NCOA3: variants seen among roughly 807,000 people sequenced by gnomAD.
NCOA3 encodes nuclear receptor coactivator 3.
In NCOA3, 51 loss-of-function variants were observed where a neutral mutation model predicts 158.8. The observed-to-expected ratio is 0.32, with a 90% CI of 0.26 to 0.41. NCOA3 has a LOEUF of 0.41. NCOA3 is among the 10% of genes least tolerant of loss of function. NCOA3 has a pLI of 1.00. For synonymous variants in NCOA3, 537 were observed against 592.4 expected, an observed-to-expected ratio of 0.91 and a Z score of 1.36; for missense variants, 1,510 against 1,746.6, an observed-to-expected ratio of 0.86 and a Z score of 2.41.
chr20:47,634,235 C>T (rs200943824), intron 10 of NCOA3, 40 bp downstream of exon 10: 60 of 1,562,428 alleles, frequency 3.8e-5, no homozygotes, highest in Admixed American at 3.7e-4. Context: ...CAAAATGCAG[C>T]AGTGTTCTCA....
At chr20:47,643,949 G>A (rs1054990459) in intron 17 of NCOA3, among the ~76,000 whole-genome samples, 1 of 150,940 alleles carries the variant, frequency 6.6e-6, no homozygotes, top group Non-Finnish European at 1.5e-5. Flanking sequence ...TTTTCTCTCC[G>A]AAATTTTATG....
Position 47,651,107 on chromosome 20 carries a change from G to GCAA in NCOA3, c.3779_3780insACA (p.Gln1276dup), listed in dbSNP as rs763832074. The stretch of plus-strand genomic sequence containing the variant: ...AGCAGCAGCAACAGCAGCAGCAGCA[G>GCAA]CAGCAGCAGCAGCAACAGCAACAGC... On this transcript the variant is annotated inframe_insertion, in exon 20 of 23. Transcript: ENST00000371998. 22 of 1,608,210 alleles carry GCAA rather than the reference G, an allele frequency of 1.4e-5. No individual in the cohort carries two copies. The African/African-American group carries it at 2.9e-4, about 21-fold the overall frequency.
At chr20:47,564,074 T>C (rs569033549) in intron 1 of NCOA3, among the ~76,000 whole-genome samples, 41 of 151,768 alleles carry the variant, frequency 2.7e-4, no homozygotes, top group African/African-American at 9.9e-4. Context: ...GCAAGAGGAT[T>C]GCTTGAGTCT....
intron 2 of NCOA3, among the ~76,000 whole-genome samples, chr20:47,594,788 ATTTTTTTT>A (rs768342979): frequency 9.8e-6 from 1 of 102,416 alleles, no homozygotes; most frequent in Non-Finnish European, 1.8e-5. Context: ...AGAATACCTG[ATTTTTTTT>A]TTTTTTTTTT....
intron 1 of NCOA3, among the ~76,000 whole-genome samples, chr20:47,556,667 C>A (rs778468570): frequency 6.6e-6 from 1 of 151,960 alleles, no homozygotes; most frequent in South Asian, 2.1e-4. Context: ...GGATCACAGG[C>A]GCCTGCCACC....
intron 1 of NCOA3, among the ~76,000 whole-genome samples, chr20:47,515,482 T>C (rs1216213362): frequency 1.3e-5 from 2 of 148,702 alleles, no homozygotes; most frequent in South Asian, 2.2e-4. Context: ...CTTTTTTTTT[T>C]TTTTTTTTCT....
At chr20:47,517,600 G>A (rs920338388) in intron 1 of NCOA3, among the ~76,000 whole-genome samples, 4 of 151,614 alleles carry the variant, frequency 2.6e-5, no homozygotes, top group Non-Finnish European at 5.9e-5. Context: ...ACAGGTGCTC[G>A]CTACTACACC....
chr20:47,598,477 A>G (rs1037396936), intron 2 of NCOA3, among the ~76,000 whole-genome samples: 1 of 151,910 alleles, frequency 6.6e-6, no homozygotes, highest in African/African-American at 2.4e-5. Context: ...CTGGGATTAC[A>G]GGTGCGTGCC....
chr20:47,632,743 C>A (rs1015854057), intron 8 of NCOA3, among the ~76,000 whole-genome samples: 1 of 150,472 alleles, frequency 6.6e-6, no homozygotes, highest in African/African-American at 2.5e-5. Context: ...AGTGCGGTGG[C>A]ATGATCTCGG....
At chr20:47,513,055 G>GGCTGAGGCATGAGAATA (rs1326896603) in intron 1 of NCOA3, among the ~76,000 whole-genome samples, 2 of 152,076 alleles carry the variant, frequency 1.3e-5, no homozygotes, top group Admixed American at 6.5e-5. Context: ...CTTCTCAGGA[G>GGCTGAGGCATGAGAATA]GCTGAGGCAT....
chr20:47,593,143 G>A (rs944664887), intron 2 of NCOA3, among the ~76,000 whole-genome samples: 108 of 152,132 alleles, frequency 7.1e-4, no homozygotes, highest in Non-Finnish European at 1.3e-3. Flanking sequence ...ATGTTGGCCA[G>A]GCTGGTCTTG....
At position 47,635,628 on chromosome 20, in the gene NCOA3, T is replaced by G. The variant is rs150487414; in HGVS notation, c.1419T>G (p.Leu473=). The change falls in exon 11 of 23, where the codon CTT becomes CTG. Residue 473 remains leucine (L), a synonymous_variant. Transcript: ENST00000371998. ...GCCCCCCACATGGGAGTCCTGGTCT[T>G]GCCCCAAACCAGCAGAATATCATGA... is the stretch of plus-strand genomic sequence containing the variant. ...MSSPPHGSPG[L]APNQQNIMIS... 5.0e-4 allele frequency: 811 copies of G among 1,614,194 alleles called. 4 individuals carry two copies. Among genetic ancestry groups the G allele is most frequent in the Non-Finnish European group, 4.5e-4 (528 of 1,180,030 alleles).
chr20:47,564,820 T>C lies in NCOA3; in HGVS notation c.-98-18363T>C, dbSNP rs145026667. ...GTCATTTGTACTACTGTGAATTGCC[T>C]ACTCTGGTTCTTAGTCCATTTTTCT... is the stretch of plus-strand genomic sequence containing the variant. On this transcript the variant is annotated intron_variant, in intron 1 of 22. Transcript: ENST00000371998. Among the ~76,000 whole-genome samples, 435 of 152,340 alleles carry C rather than the reference T, an allele frequency of 2.9e-3. 1 individual carries two copies. Among genetic ancestry groups the C allele is most frequent in the Admixed American group, 5.4e-3 (83 of 15,292 alleles).
intron 17 of NCOA3, among the ~76,000 whole-genome samples, chr20:47,643,463 A>G (rs1248827618): frequency 2.0e-5 from 3 of 152,210 alleles, no homozygotes; most frequent in South Asian, 2.1e-4. Context: ...TTATACTCCA[A>G]CAGAAGTATA....
intron 14 of NCOA3, 145 bp downstream of exon 14, chr20:47,639,347 A>G: frequency 4.2e-6 from 4 of 950,962 alleles, no homozygotes; most frequent in Non-Finnish European, 6.2e-6. Context: ...CATTTATTCT[A>G]TGTTTTGGTT....
intron 1 of NCOA3, among the ~76,000 whole-genome samples, chr20:47,525,591 G>A (rs1334574186): frequency 8.4e-5 from 12 of 143,070 alleles, no homozygotes; most frequent in Non-Finnish European, 1.7e-4. Context: ...CTCCTGGACG[G>A]GGCGGCTGGC....
chr20:47,647,012 C>A, intron 17 of NCOA3, 61 bp from the exon 18 acceptor site: 2 of 1,493,716 alleles, frequency 1.3e-6, no homozygotes, highest in Non-Finnish European at 9.1e-7. Context: ...TTCTTTAGAG[C>A]ATTTGACTTC....
intron 2 of NCOA3, among the ~76,000 whole-genome samples, chr20:47,598,479 G>A (rs1431348042): frequency 1.3e-5 from 2 of 151,898 alleles, no homozygotes; most frequent in Non-Finnish European, 2.9e-5. Flanking sequence ...GGGATTACAG[G>A]TGCGTGCCAC....
At chr20:47,590,190 A>C (rs985844613) in intron 2 of NCOA3, among the ~76,000 whole-genome samples, 7 of 152,204 alleles carry the variant, frequency 4.6e-5, no homozygotes, top group African/African-American at 1.4e-4. Context: ...GTTCTTAATT[A>C]TAAGAAATAG....
Sources: allele counts gnomAD v4.1 joint callset (sites outside exome capture counted in the v4.1 genomes callset), GRCh38; gene constraint gnomAD v4.1.1; transcripts MANE v1.5; gene names NCBI Gene and HGNC (gene_info 2026-07-23, HGNC 2026-07-21).